The following SGSM1 variants were observed in gnomAD, a reference collection of about 807,000 sequenced individuals.
SGSM1 encodes RUN and TBC1 domain containing 2.
SGSM1 carries 73 observed loss-of-function variants against 133.8 expected under a neutral mutation model. That is an observed-to-expected ratio of 0.55 (90% confidence interval 0.45 to 0.66). The LOEUF is 0.66. Ranked by LOEUF, SGSM1 falls within the 30% of genes least tolerant of loss-of-function variation. The pLI, the probability that SGSM1 is intolerant of heterozygous loss-of-function variation, is 0.00. For missense variants in SGSM1, 1,213 were observed against 1,448.1 expected (o/e 0.84, Z 2.64); for synonymous variants, 563 against 573.0 (o/e 0.98, Z 0.25).
Position 24,848,646 on chromosome 22 carries a change from C to T in SGSM1, c.302+850C>T, listed in dbSNP as rs116243190. Among the ~76,000 whole-genome samples the T allele has an allele frequency of 1.7e-3, 259 of 152,354 alleles. 1 individual carries two copies. Among genetic ancestry groups the T allele is most frequent in the African/African-American group, 5.8e-3 (241 of 41,582 alleles). On this transcript the variant is annotated intron_variant, in intron 4 of 24. Coordinates refer to ENST00000400358, the MANE Select transcript of SGSM1 (RefSeq NM_001098497.3). The stretch of plus-strand genomic sequence containing the variant: ...ACAATTTGGTTTCAACTCCTGGCAA[C>T]AAATTCGGTGCTGGTGGCTTCCCAG...
At chr22:24,832,644 AGAT>A (rs1298212706) in intron 2 of SGSM1, among the ~76,000 whole-genome samples, 2 of 152,044 alleles carry the variant, frequency 1.3e-5, no homozygotes, top group African/African-American at 2.4e-5. Flanking sequence ...TCAGAGGGAG[AGAT>A]GATGAAGATG....
intron 23 of SGSM1, among the ~76,000 whole-genome samples, chr22:24,919,067 G>A (rs1277866272): frequency 1.3e-5 from 1 of 74,826 alleles, no homozygotes; most frequent in South Asian, 5.1e-4. Context: ...TTTTTTTTTC[G>A]AGATGAAGTC....
chr22:24,897,842 G>A (rs1341195425), intron 18 of SGSM1, 130 bp from the exon 19 acceptor site: 12 of 776,832 alleles, frequency 1.5e-5, no homozygotes, highest in Non-Finnish European at 2.5e-5. Context: ...TTCACTGACT[G>A]TATGGTATTC....
At chr22:24,815,938 T>G (rs1417141579) in intron 2 of SGSM1, among the ~76,000 whole-genome samples, 1 of 152,088 alleles carries the variant, frequency 6.6e-6, no homozygotes, top group African/African-American at 2.4e-5. Context: ...AAATGTAACT[T>G]TCTGGAGTTT....
Position 24,864,404 on chromosome 22 carries a change from C to T in SGSM1, c.927-2689C>T, listed in dbSNP as rs115480626. ...CATTATTCATAATAGCCCAAGACTC[C>T]AAGACCGGAAGCAACCCAGATGCCC... is the stretch of plus-strand genomic sequence containing the variant. On this transcript the variant is annotated intron_variant, in intron 9 of 24. Coordinates refer to ENST00000400358, the MANE Select transcript of SGSM1 (RefSeq NM_001098497.3). 1.5e-3 allele frequency among the ~76,000 whole-genome samples: 225 copies of T among 152,326 alleles called. 1 individual carries two copies. Among genetic ancestry groups the T allele is most frequent in the African/African-American group, 5.2e-3 (215 of 41,574 alleles).
chr22:24,865,127 C>G (rs537291977), intron 9 of SGSM1, among the ~76,000 whole-genome samples: 2 of 152,352 alleles, frequency 1.3e-5, no homozygotes, highest in Admixed American at 6.5e-5. Flanking sequence ...CTCCTCCTTG[C>G]TGATGGCTGG....
chr22:24,836,336 G>T (rs1312276984), intron 2 of SGSM1, among the ~76,000 whole-genome samples: 4 of 152,150 alleles, frequency 2.6e-5, no homozygotes, highest in East Asian at 1.9e-4. Flanking sequence ...ACCACATTTT[G>T]TCTATCCATT....
At position 24,901,869 on chromosome 22, in the gene SGSM1, C is replaced by T. The variant is rs751977222; in HGVS notation, c.2647C>T (p.Arg883Cys). Residue 883 changes from arginine (R) to cysteine (C), a missense_variant, in exon 20 of 25, where the codon CGC (arginine) becomes TGC (cysteine). Arg to Cys is a radical substitution (Grantham distance 180). Coordinates refer to ENST00000400358, the MANE Select transcript of SGSM1 (RefSeq NM_001098497.3). Reference sequence around the variant, plus strand: ...GGATCTGTACACGGTGAACCTGCACCGCATCGAGAAGGATGTGCAGAGGTG... The same window carrying T: ...GGATCTGTACACGGTGAACCTGCACTGCATCGAGAAGGATGTGCAGAGGTG... ...LLDLYTVNLH[R>C]IEKDVQRCDR... 18 of 1,612,274 alleles carry T rather than the reference C, an allele frequency of 1.1e-5. No individual in the cohort carries two copies. Among genetic ancestry groups the T allele is most frequent in the South Asian group, 3.3e-5 (3 of 90,480 alleles).
At chr22:24,832,809 C>A (rs1189977467) in intron 2 of SGSM1, among the ~76,000 whole-genome samples, 2 of 152,170 alleles carry the variant, frequency 1.3e-5, no homozygotes, top group Admixed American at 6.5e-5. Context: ...ATCAAGGTAG[C>A]TGCAGGACTA....
chr22:24,918,980 A>T (rs56361123), intron 23 of SGSM1, among the ~76,000 whole-genome samples: 9,743 of 146,602 alleles, frequency 0.066, 816 homozygotes, highest in African/African-American at 0.2. Flanking sequence ...ACCTCAGGTG[A>T]TCCACCCACC....
At chr22:24,899,522 T>C (rs1021781481) in intron 19 of SGSM1, among the ~76,000 whole-genome samples, 7 of 143,200 alleles carry the variant, frequency 4.9e-5, no homozygotes, top group Admixed American at 6.8e-5. Context: ...TCTTTTCTTT[T>C]TTTTTTTTTT....
chr22:24,835,681 A>G (rs1929384441), intron 2 of SGSM1, among the ~76,000 whole-genome samples: 1 of 152,086 alleles, frequency 6.6e-6, no homozygotes, highest in African/African-American at 2.4e-5. Context: ...CAGGAATTGC[A>G]GAGGACATGA....
intron 21 of SGSM1, among the ~76,000 whole-genome samples, chr22:24,907,661 A>T (rs191413920): frequency 6.6e-6 from 1 of 152,066 alleles, no homozygotes; most frequent in East Asian, 1.9e-4. Flanking sequence ...GCAGTGTCTC[A>T]CGCCTGTAAT....
chr22:24,857,527 C>T (rs76106282), intron 8 of SGSM1, among the ~76,000 whole-genome samples: 1 of 151,956 alleles, frequency 6.6e-6, no homozygotes, highest in South Asian at 2.1e-4. Context: ...TTGAAACTTA[C>T]GTGGATGTAG....
In SGSM1 at chr22:24,916,199, A is replaced by G. The variant is rs568794853; in HGVS notation, c.2929-1459A>G. 1.1e-4 allele frequency among the ~76,000 whole-genome samples: 17 copies of G among 152,242 alleles called. No individual in the cohort carries two copies. The South Asian group carries it at 3.5e-3, about 32-fold the overall frequency. On this transcript the variant is annotated intron_variant, in intron 22 of 24. Transcript: ENST00000400358. ...TACCCCAGAAAGAAATTCTTCACTA[A>G]CAACCACTCCCCATCCCCTCCATCT...
At chr22:24,890,281 T>C (rs771023279) in intron 16 of SGSM1, among the ~76,000 whole-genome samples, 8 of 152,074 alleles carry the variant, frequency 5.3e-5, no homozygotes, top group Non-Finnish European at 1.5e-5. Flanking sequence ...ACTTAAGATA[T>C]TTTCAACTTA....
Position 24,924,179 on chromosome 22 carries a change from C to T in SGSM1, c.3194-7C>T, listed in dbSNP as rs779950029. 1 of 1,613,806 alleles carries T rather than the reference C, an allele frequency of 6.2e-7. No individual in the cohort carries two copies. Among genetic ancestry groups the T allele is most frequent in the South Asian group, 1.1e-5 (1 of 91,064 alleles). ...GGCTCATGAGATTTTTCTTTCTGCT[C>T]TTTCAGAAATGGCTGAGCGACACAA... On this transcript the variant is annotated splice_region_variant and splice_polypyrimidine_tract_variant and intron_variant, in intron 24 of 24. Coordinates refer to ENST00000400358, the MANE Select transcript of SGSM1 (RefSeq NM_001098497.3).
At chr22:24,822,088 C>CTCTTTTTTTTTTGTTTTTTTTT (rs1555920070) in intron 2 of SGSM1, among the ~76,000 whole-genome samples, 1 of 96,178 alleles carries the variant, frequency 1.0e-5, no homozygotes, top group Non-Finnish European at 2.0e-5. Flanking sequence ...TCATCTCTCT[C>CTCTTTTTTTTTTGTTTTTTTTT]TTTTTTTTTT....
In SGSM1 at chr22:24,868,561, GGGAGGCTGGGGT is replaced by G. The variant is rs760049410; in HGVS notation, c.1158+32_1158+43del. 51 of 1,613,564 alleles carry G rather than the reference GGGAGGCTGGGGT, an allele frequency of 3.2e-5. No homozygotes were observed. In the South Asian group the frequency reaches 5.4e-4, roughly 17 times the overall value. On this transcript the variant is annotated intron_variant, in intron 11 of 24. Coordinates refer to ENST00000400358, the MANE Select transcript of SGSM1 (RefSeq NM_001098497.3). ...TAAGGTGAGTGATCATCGGGACCCAGGGAGGCTGGGGTGGAGGCTGGTCACAGAGGGTGGTTG... is the reference window on the plus strand; with the variant it reads ...TAAGGTGAGTGATCATCGGGACCCAGGGAGGCTGGTCACAGAGGGTGGTTG...
Sources: gnomAD v4.1 joint callset for allele counts (sites outside exome capture counted in the v4.1 genomes callset) on GRCh38, gnomAD v4.1.1 for gene constraint, MANE v1.5 for transcripts, NCBI Gene and HGNC (gene_info 2026-07-23, HGNC 2026-07-21) for gene names.